The following CDK8 variants were observed in gnomAD, a reference collection of about 807,000 sequenced individuals.
The protein encoded by CDK8 is cyclin-dependent kinase 8.
A neutral mutation model predicts 71.5 loss-of-function variants in CDK8; 29 were observed. The ratio of observed to expected loss-of-function variants is 0.41; its 90% confidence interval spans 0.30 to 0.55. The LOEUF is 0.55. Ranked by LOEUF, CDK8 falls within the 20% of genes least tolerant of loss-of-function variation. CDK8 has a pLI of 0.37. For missense variants in CDK8, 288 were observed against 572.6 expected (o/e 0.50, Z 5.07); for synonymous variants, 161 against 192.1 (o/e 0.84, Z 1.34).
intron 4 of CDK8, among the ~76,000 whole-genome samples, chr13:26,356,315 C>A (rs1258824653): frequency 6.6e-6 from 1 of 152,176 alleles, no homozygotes; most frequent in South Asian, 2.1e-4. Context: ...ATCACTCTTA[C>A]TCCTCCATCC....
At chr13:26,310,445 T>C (rs750434550) in intron 1 of CDK8, among the ~76,000 whole-genome samples, 29 of 152,168 alleles carry the variant, frequency 1.9e-4, no homozygotes, top group Admixed American at 5.9e-4. Flanking sequence ...TATTGTGGAC[T>C]TAGCCCTGAG....
At chr13:26,270,517 G>A (rs534949427) in intron 1 of CDK8, among the ~76,000 whole-genome samples, 4 of 152,024 alleles carry the variant, frequency 2.6e-5, no homozygotes, top group Non-Finnish European at 1.5e-5. Context: ...AAGAAACCCC[G>A]TACCCATTAG....
intron 6 of CDK8, among the ~76,000 whole-genome samples, chr13:26,387,925 C>T (rs1297761456): frequency 6.6e-6 from 1 of 152,170 alleles, no homozygotes; most frequent in Non-Finnish European, 1.5e-5. Context: ...ACAGGTGTAC[C>T]TCACCTCACT....
intron 1 of CDK8, among the ~76,000 whole-genome samples, chr13:26,275,488 T>C (rs1385123506): frequency 2.0e-5 from 3 of 152,226 alleles, no homozygotes; most frequent in African/African-American, 7.2e-5. Context: ...ATTTAAGTAG[T>C]GTTGTGCACA....
intron 1 of CDK8, among the ~76,000 whole-genome samples, chr13:26,316,122 G>A (rs569637732): frequency 6.6e-6 from 1 of 152,320 alleles, no homozygotes; most frequent in South Asian, 2.1e-4. Context: ...ACTTTGGGAG[G>A]CCAGGGCTAG....
chr13:26,280,980 C>G (rs190789110), intron 1 of CDK8, among the ~76,000 whole-genome samples: 1 of 152,218 alleles, frequency 6.6e-6, no homozygotes, highest in African/African-American at 2.4e-5. Context: ...TCTGTGAGAC[C>G]GGCAGAAATC....
intron 4 of CDK8, among the ~76,000 whole-genome samples, chr13:26,359,231 A>G (rs947869210): frequency 5.3e-5 from 8 of 151,414 alleles, no homozygotes; most frequent in South Asian, 2.1e-4. Context: ...AGGAGCAGTT[A>G]CGGGACGTTA....
chr13:26,396,245 G>A (rs763859748), intron 7 of CDK8, 40 bp from the exon 8 acceptor site: 32 of 859,162 alleles, frequency 3.7e-5, no homozygotes, highest in Admixed American at 5.4e-5. Context: ...TCAAGAATAG[G>A]AACTTAGGCA....
At chr13:26,316,184 G>A (rs751896029) in intron 1 of CDK8, among the ~76,000 whole-genome samples, 55 of 152,262 alleles carry the variant, frequency 3.6e-4, no homozygotes, top group Non-Finnish European at 6.6e-4. Flanking sequence ...CATGGCAAAA[G>A]CCTGTCTCTA....
chr13:26,296,196 C>A (rs1434077159), intron 1 of CDK8, among the ~76,000 whole-genome samples: 1 of 152,116 alleles, frequency 6.6e-6, no homozygotes, highest in Non-Finnish European at 1.5e-5. Context: ...CTTCTGTAAT[C>A]TTTTTAGTAA....
At chr13:26,392,181 C>A (rs1421078134) in intron 6 of CDK8, among the ~76,000 whole-genome samples, 1 of 152,086 alleles carries the variant, frequency 6.6e-6, no homozygotes, top group Admixed American at 6.6e-5. Flanking sequence ...ATAGATCTTA[C>A]CTCTACTAAT....
At position 26,354,871 on chromosome 13, in the gene CDK8, C is replaced by A. The variant is rs1016807753; in HGVS notation, c.456+991C>A. Among the ~76,000 whole-genome samples the A allele has an allele frequency of 2.0e-5, 3 of 152,160 alleles. No individual in the cohort carries two copies. The East Asian group carries it at 5.8e-4, about 29-fold the overall frequency. On this transcript the variant is annotated intron_variant, in intron 4 of 12. Transcript: ENST00000381527. The stretch of plus-strand genomic sequence containing the variant: ...TTAAATTACCTAAACTTCAAATTGC[C>A]CTTTCTTACTACATAATTACATTGC...
At chr13:26,338,687 T>C (rs374615364) in intron 2 of CDK8, among the ~76,000 whole-genome samples, 1 of 152,124 alleles carries the variant, frequency 6.6e-6, no homozygotes, top group African/African-American at 2.4e-5. Flanking sequence ...TTAATACTTT[T>C]CAATCTTGAG....
chr13:26,313,659 A>G (rs1874387529), intron 1 of CDK8, among the ~76,000 whole-genome samples: 1 of 152,204 alleles, frequency 6.6e-6, no homozygotes, highest in Non-Finnish European at 1.5e-5. Flanking sequence ...GTATGTTAAT[A>G]GTATCACTTT....
chr13:26,306,001 T>G (rs1874024596), intron 1 of CDK8, among the ~76,000 whole-genome samples: 1 of 152,230 alleles, frequency 6.6e-6, no homozygotes. Context: ...GTATTTGGAA[T>G]TTTTCTTGAA....
intron 1 of CDK8, among the ~76,000 whole-genome samples, chr13:26,289,793 G>A (rs1873212309): frequency 2.6e-5 from 4 of 151,956 alleles, no homozygotes; most frequent in South Asian, 2.1e-4. Flanking sequence ...CTCATGATCT[G>A]CCCGCCTCAG....
At chr13:26,354,735 C>T (rs945241630) in intron 4 of CDK8, among the ~76,000 whole-genome samples, 1 of 152,106 alleles carries the variant, frequency 6.6e-6, no homozygotes, top group African/African-American at 2.4e-5. Flanking sequence ...TGAAACCATC[C>T]CCTCCCACCC....
At position 26,270,403 on chromosome 13, in the gene CDK8, A is replaced by AT. The variant is rs945613836; in HGVS notation, c.128+15634_128+15635insT. 2.1e-4 allele frequency among the ~76,000 whole-genome samples: 31 copies of AT among 150,304 alleles called. No individual in the cohort carries two copies. In the East Asian group the frequency reaches 4.8e-3, roughly 23 times the overall value. Reference sequence around the variant, plus strand: ...AAACTCTGTCTCAAAAAAAAAAAAAAATACACACACACACACATACACAGT... The same window carrying AT: ...AAACTCTGTCTCAAAAAAAAAAAAAATATACACACACACACACATACACAGT... On this transcript the variant is annotated intron_variant, in intron 1 of 12. Coordinates refer to ENST00000381527, the MANE Select transcript of CDK8 (RefSeq NM_001260.3).
rs568938323 is a variant in CDK8 at position 26,364,207 on chromosome 13, G to A, written c.456+10327G>A. On this transcript the variant is annotated intron_variant, in intron 4 of 12. Transcript: ENST00000381527. ...AAATTGCAGATTATAAGCCATAAAC[G>A]AATCAGGAAAACACACGACACAATC... is the stretch of plus-strand genomic sequence containing the variant. 3.9e-5 allele frequency among the ~76,000 whole-genome samples: 6 copies of A among 152,166 alleles called. No homozygotes were observed. The South Asian group carries it at 8.3e-4, about 21-fold the overall frequency.
Sources: allele counts gnomAD v4.1 joint callset (sites outside exome capture counted in the v4.1 genomes callset), GRCh38; gene constraint gnomAD v4.1.1; transcripts MANE v1.5; gene names NCBI Gene and HGNC (gene_info 2026-07-23, HGNC 2026-07-21).